PDE4B: variants seen among roughly 807,000 people sequenced by gnomAD.
The protein encoded by PDE4B is phosphodiesterase 4B, also known as 3',5'-cyclic-AMP phosphodiesterase 4B.
Under a neutral mutation model 82.2 loss-of-function variants are expected in PDE4B, and 20 were observed. The observed-to-expected ratio is 0.24, with a 90% CI of 0.17 to 0.35. The LOEUF is 0.35. PDE4B is among the 10% of genes least tolerant of loss of function. The pLI is 1.00. For synonymous variants in PDE4B, 320 were observed against 318.9 expected (o/e 1.00, Z -0.04); for missense variants, 655 against 907.2 (o/e 0.72, Z 3.57).
At chr1:66,116,249 T>A (rs1213473178) in intron 3 of PDE4B, among the ~76,000 whole-genome samples, 1 of 152,210 alleles carries the variant, frequency 6.6e-6, no homozygotes, top group East Asian at 1.9e-4. Flanking sequence ...GTTTTAGGCT[T>A]TCCTCAAATG....
At chr1:66,072,183 G>T (rs990317259) in intron 3 of PDE4B, among the ~76,000 whole-genome samples, 1 of 152,016 alleles carries the variant, frequency 6.6e-6, no homozygotes, top group Non-Finnish European at 1.5e-5. Flanking sequence ...AATTCTGAAG[G>T]TCCATGAATA....
intron 3 of PDE4B, among the ~76,000 whole-genome samples, chr1:66,122,703 C>CTTTTTTTTTTTTTTTTTTTT (rs3036785): frequency 8.9e-6 from 1 of 111,960 alleles, no homozygotes; most frequent in African/African-American, 3.4e-5. Context: ...CTCTTCTTTT[C>CTTTTTTTTTTTTTTTTTTTT]TTTTTTTTTT....
At chr1:66,253,926 A>G (rs1239108545) in intron 4 of PDE4B, among the ~76,000 whole-genome samples, 1 of 152,216 alleles carries the variant, frequency 6.6e-6, no homozygotes, top group Non-Finnish European at 1.5e-5. Flanking sequence ...CATAATGATA[A>G]AGTCATGTTG....
intron 3 of PDE4B, among the ~76,000 whole-genome samples, chr1:65,974,106 C>T (rs2503206): frequency 0.072 from 10,969 of 152,178 alleles, 435 homozygotes; most frequent in South Asian, 0.14. Flanking sequence ...AGCCACTATA[C>T]CTGGCCTGGA....
chr1:65,844,220 T>C (rs1646242200), intron 1 of PDE4B, among the ~76,000 whole-genome samples: 1 of 152,170 alleles, frequency 6.6e-6, no homozygotes. Flanking sequence ...AATAAAAGTA[T>C]TTATTAGGTA....
At chr1:66,118,071 G>A (rs1645633124) in intron 3 of PDE4B, among the ~76,000 whole-genome samples, 2 of 152,116 alleles carry the variant, frequency 1.3e-5, no homozygotes, top group African/African-American at 4.8e-5. Context: ...GTGATGATGA[G>A]CATTTTTTCA....
At chr1:65,957,384 A>C (rs949839013) in intron 3 of PDE4B, among the ~76,000 whole-genome samples, 4 of 151,392 alleles carry the variant, frequency 2.6e-5, no homozygotes, top group African/African-American at 9.7e-5. Context: ...GTTACACAGC[A>C]AGCTATCATT....
intron 9 of PDE4B, 72 bp downstream of exon 9, chr1:66,355,692 G>A (rs1662182154): frequency 3.7e-6 from 3 of 815,618 alleles, no homozygotes; most frequent in South Asian, 3.6e-5. Context: ...ACCTATCAAG[G>A]ACATCCTCAT....
intron 3 of PDE4B, among the ~76,000 whole-genome samples, chr1:65,942,064 T>C (rs1265243106): frequency 1.3e-5 from 2 of 152,132 alleles, no homozygotes; most frequent in Non-Finnish European, 2.9e-5. Flanking sequence ...TTCTTATTGC[T>C]GTTAAGATAA....
At chr1:66,069,501 C>A (rs1246707752) in intron 3 of PDE4B, among the ~76,000 whole-genome samples, 1 of 151,976 alleles carries the variant, frequency 6.6e-6, no homozygotes. Context: ...GCATTTTCTA[C>A]AGTTAGTTTT....
rs143755153 is a variant in PDE4B at position 66,247,523 on chromosome 1, C to T, written c.345C>T (p.Ser115=). ...CACTGGATCCCCAGGCCAGCTCTTCCGCTGGGCTGGTACTTCACGCCACCT... is the reference window on the plus strand; with the variant it reads ...CACTGGATCCCCAGGCCAGCTCTTCTGCTGGGCTGGTACTTCACGCCACCT... ...RSPLDPQASS[S]AGLVLHATFP... is the part of the protein sequence containing the mutation. Residue 115 remains serine, a synonymous_variant, in exon 4 of 17, where the codon TCC becomes TCT. Coordinates refer to ENST00000341517, the MANE Select transcript of PDE4B (RefSeq NM_002600.4). 4.7e-5 allele frequency: 76 copies of T among 1,611,682 alleles called. No individual in the cohort carries two copies. The highest frequency in any genetic ancestry group is 5.6e-5 in the Non-Finnish European group (66 of 1,178,742).
chr1:66,015,903 T>G (rs143242571), intron 3 of PDE4B, among the ~76,000 whole-genome samples: 54 of 152,336 alleles, frequency 3.5e-4, no homozygotes, highest in African/African-American at 1.3e-3. Context: ...TAAGTATTTA[T>G]TTATTCACTT....
intron 3 of PDE4B, among the ~76,000 whole-genome samples, chr1:65,977,708 C>T (rs942520428): frequency 6.6e-6 from 1 of 152,232 alleles, no homozygotes; most frequent in East Asian, 1.9e-4. Context: ...CAGAAACTCA[C>T]TTTGTGTTAT....
intron 3 of PDE4B, among the ~76,000 whole-genome samples, chr1:66,110,387 G>A (rs1645458535): frequency 6.6e-6 from 1 of 151,920 alleles, no homozygotes; most frequent in Non-Finnish European, 1.5e-5. Flanking sequence ...CTAGTTGCAG[G>A]TGTCCATCCT....
In PDE4B at chr1:65,958,689, G is replaced by A. The variant is rs1011378045; in HGVS notation, c.281+39854G>A. 2.4e-4 allele frequency among the ~76,000 whole-genome samples: 36 copies of A among 151,870 alleles called. 2 individuals carry two copies. The highest frequency in any genetic ancestry group is 1.5e-5 in the Non-Finnish European group (1 of 67,958). ...TTAATGTTATGTTTTTTCTAATAAT[G>A]TGTCCATTTTGACTAAGTTTTTTAG... On this transcript the variant is annotated intron_variant, in intron 3 of 16. Transcript: ENST00000341517.
intron 3 of PDE4B, among the ~76,000 whole-genome samples, chr1:66,182,927 A>T (rs1241843228): frequency 2.0e-5 from 3 of 152,258 alleles, no homozygotes. Flanking sequence ...AAAGCCTCAG[A>T]CAAGGAATGT....
intron 3 of PDE4B, among the ~76,000 whole-genome samples, chr1:66,021,971 G>A (rs529202870): frequency 3.3e-5 from 5 of 152,044 alleles, no homozygotes; most frequent in African/African-American, 7.2e-5. Context: ...ATTTGTTTCT[G>A]TCCTCTTTTA....
intron 7 of PDE4B, among the ~76,000 whole-genome samples, chr1:66,324,531 A>T (rs1659615608): frequency 6.6e-6 from 1 of 152,144 alleles, no homozygotes; most frequent in East Asian, 1.9e-4. Flanking sequence ...GTAAACTGTC[A>T]AGTTATATAT....
intron 3 of PDE4B, among the ~76,000 whole-genome samples, chr1:66,196,848 T>A (rs1461318484): frequency 6.7e-6 from 1 of 150,170 alleles, no homozygotes; most frequent in African/African-American, 2.4e-5. Context: ...TTGGGAGATA[T>A]ACCTAATGCT....
Sources: gnomAD v4.1 joint callset for allele counts (sites outside exome capture counted in the v4.1 genomes callset) on GRCh38, gnomAD v4.1.1 for gene constraint, MANE v1.5 for transcripts, NCBI Gene and HGNC (gene_info 2026-07-23, HGNC 2026-07-21) for gene names.